COL5A1: variants seen among roughly 807,000 people sequenced by gnomAD.
COL5A1 encodes the protein collagen alpha-1(V) chain.
A neutral mutation model predicts 263.7 loss-of-function variants in COL5A1; 16 were observed. The observed-to-expected ratio is 0.06, with a 90% CI of 0.04 to 0.09. The LOEUF (loss-of-function observed/expected upper bound fraction) is 0.09, where lower values mean the gene tolerates loss of function less well. Ranked by LOEUF, COL5A1 falls within the 10% of genes least tolerant of loss-of-function variation. The probability of loss-of-function intolerance (pLI) is 1.00; values close to 1 mark genes in which losing one functional copy is unlikely to be tolerated. For missense variants in COL5A1, 2,036 were observed against 2,540.5 expected (o/e 0.80, Z 4.27); for synonymous variants, 1,012 against 1,004.5 (o/e 1.01, Z -0.14).
intron 63 of COL5A1, among the ~76,000 whole-genome samples, chr9:134,826,723 T>TATG (rs1839286621): frequency 2.3e-5 from 2 of 87,140 alleles, no homozygotes; most frequent in Non-Finnish European, 4.5e-5. Flanking sequence ...GTGTGGGTGG[T>TATG]GTGTGGGTGT....
chr9:134,762,033 T>C, intron 19 of COL5A1, 55 bp downstream of exon 19: 5 of 1,587,494 alleles, frequency 3.1e-6, no homozygotes, highest in Non-Finnish European at 4.3e-6. Context: ...CCTCAGTGAT[T>C]TGGGCAGGAA....
In COL5A1 at chr9:134,741,458, TGGTGGGCAA is replaced by T. The variant is rs1477711617; in HGVS notation, c.1494+2652_1494+2660del. ...GGTTTGGGCTTCGCGGGGTGACAGA[TGGTGGGCAA>T]GTGACTAGGAACTCCATGGAGGAAC... On this transcript the variant is annotated intron_variant, in intron 11 of 65. Coordinates refer to ENST00000371817, the MANE Select transcript of COL5A1 (RefSeq NM_000093.5). This position sits in a 1 kb window ranked among gnomAD's most constrained non-coding sequence, Gnocchi z 4.5. Among the ~76,000 whole-genome samples the T allele has an allele frequency of 1.3e-5, 2 of 152,004 alleles. No individual in the cohort carries two copies. Among genetic ancestry groups the T allele is most frequent in the Non-Finnish European group, 2.9e-5 (2 of 68,002 alleles).
intron 34 of COL5A1, 92 bp downstream of exon 34, chr9:134,795,407 TTTA>T: frequency 8.9e-7 from 1 of 1,119,082 alleles, no homozygotes; most frequent in Non-Finnish European, 1.3e-6. Flanking sequence ...TGTGACCTTT[TTTA>T]TTAAAAAAAA....
In COL5A1 at chr9:134,765,096, G is replaced by A. The variant is rs11103513; in HGVS notation, c.2035-585G>A. On this transcript the variant is annotated intron_variant, in intron 20 of 65. Coordinates refer to ENST00000371817, the MANE Select transcript of COL5A1 (RefSeq NM_000093.5). The surrounding 1 kb of genome is among the most constrained non-coding windows in gnomAD (Gnocchi z 5.1). ...AGGTTCTGCACGAGCCTCGCCGACC[G>A]GAGAGGGCGTGCCAGCTCTTGCCCA... is the stretch of plus-strand genomic sequence containing the variant. Among the ~76,000 whole-genome samples, 6,140 of 152,144 alleles carry A rather than the reference G, an allele frequency of 0.04. 157 individuals carry two copies. The highest frequency in any genetic ancestry group is 0.06 in the Non-Finnish European group (4,082 of 67,966).
rs780236310 is a variant in COL5A1 at position 134,796,409 on chromosome 9, T to A, written c.2835T>A (p.Pro945=). ...NSGGDGPAGP[P]GERGPNGPQG... is the part of the protein sequence containing the mutation. The stretch of plus-strand genomic sequence containing the variant: ...GAGGTGACGGCCCAGCTGGCCCTCC[T>A]GGTGAACGGGTAAGCAGCTGGAGCC... Residue 945 remains proline, a synonymous_variant, in exon 35 of 66, where the codon CCT becomes CCA. Transcript: ENST00000371817. 1 of 1,614,156 alleles carries A rather than the reference T, an allele frequency of 6.2e-7. No homozygotes were observed. The highest frequency in any genetic ancestry group is 8.5e-7 in the Non-Finnish European group (1 of 1,180,032).
intron 18 of COL5A1, among the ~76,000 whole-genome samples, chr9:134,759,308 C>G (rs561097692): frequency 6.9e-6 from 1 of 144,534 alleles, no homozygotes; most frequent in African/African-American, 2.6e-5. Context: ...ACCCACACAC[C>G]CCCACACTCA....
intron 1 of COL5A1, among the ~76,000 whole-genome samples, chr9:134,658,883 A>G (rs1053387913): frequency 5.9e-5 from 9 of 152,212 alleles, no homozygotes; most frequent in Non-Finnish European, 1.3e-4. Context: ...AGAAATTCAC[A>G]TGAGACATAC....
intron 22 of COL5A1, among the ~76,000 whole-genome samples, 161 bp downstream of exon 22, chr9:134,766,659 C>T (rs977365043): frequency 2.0e-5 from 3 of 152,188 alleles, no homozygotes; most frequent in Admixed American, 2.0e-4. Flanking sequence ...GTGAGTGGCA[C>T]CTGGAGACTT....
intron 1 of COL5A1, among the ~76,000 whole-genome samples, chr9:134,645,835 C>T (rs1416276707): frequency 6.6e-6 from 1 of 152,222 alleles, no homozygotes; most frequent in Non-Finnish European, 1.5e-5. Flanking sequence ...GGCCAGGGCC[C>T]TGAGCTATAG....
At position 134,755,689 on chromosome 9, in the gene COL5A1, A is replaced by G. The variant is rs893302455; in HGVS notation, c.1828-1076A>G. ...CCTTGGTTTCTAAAAGTGTTTGGAA[A>G]TCTAGAAGAGGCTCCCAATGGGCCC... On this transcript the variant is annotated intron_variant, in intron 16 of 65. Transcript: ENST00000371817. This position sits in a 1 kb window ranked among gnomAD's most constrained non-coding sequence, Gnocchi z 4.1. 6.6e-6 allele frequency among the ~76,000 whole-genome samples: 1 copy of G among 152,260 alleles called. No individual in the cohort carries two copies. The highest frequency in any genetic ancestry group is 2.4e-5 in the African/African-American group (1 of 41,472).
At chr9:134,753,749 C>T in intron 14 of COL5A1, 101 bp from the exon 15 acceptor site, 1 of 711,388 alleles carries the variant, frequency 1.4e-6, no homozygotes, top group South Asian at 1.4e-5. Flanking sequence ...GTGGCCGAAG[C>T]CCTGTCCCCT....
chr9:134,814,850 C>G lies in COL5A1; in HGVS notation c.3960C>G (p.Ala1320=). The part of the protein sequence containing the change: ...EKGESGPSGA[A]GPPGPKGPPG... ...GCGAGTCAGGCCCTTCAGGTGCTGC[C>G]GGACCCCCTGGACCCAAAGGCCCTC... The change falls in exon 50 of 66, where the codon GCC becomes GCG. Residue 1320 remains alanine (A), a synonymous_variant. Transcript: ENST00000371817. 1.3e-6 allele frequency: 2 copies of G among 1,551,680 alleles called. No individual in the cohort carries two copies. Among genetic ancestry groups the G allele is most frequent in the Admixed American group, 3.9e-5 (2 of 51,086 alleles).
chr9:134,799,030 C>A (rs1212837988), intron 37 of COL5A1, among the ~76,000 whole-genome samples: 1 of 152,164 alleles, frequency 6.6e-6, no homozygotes, highest in African/African-American at 2.4e-5. Context: ...TGCAATGTCC[C>A]TTTTTACACT....
Position 134,780,083 on chromosome 9 carries a change from T to A in COL5A1, c.2386-19T>A. 6.2e-7 allele frequency: 1 copy of A among 1,613,552 alleles called. No individual in the cohort carries two copies. Among genetic ancestry groups the A allele is most frequent in the Non-Finnish European group, 8.5e-7 (1 of 1,179,992 alleles). On this transcript the variant is annotated intron_variant, in intron 27 of 65. Coordinates refer to ENST00000371817, the MANE Select transcript of COL5A1 (RefSeq NM_000093.5). Reference sequence around the variant, plus strand: ...AGACTTGTAACCATTCACTCCTTTTTCTTTTCCCACCCGCACAGGGGGCCG... The same window carrying A: ...AGACTTGTAACCATTCACTCCTTTTACTTTTCCCACCCGCACAGGGGGCCG...
At chr9:134,744,962 G>A (rs1213607250) in intron 11 of COL5A1, among the ~76,000 whole-genome samples, 2 of 152,260 alleles carry the variant, frequency 1.3e-5, no homozygotes, top group Admixed American at 1.3e-4. Context: ...TGCGCTGTCT[G>A]GGTTCACCTC....
intron 29 of COL5A1, 39 bp from the exon 30 acceptor site, chr9:134,784,950 G>GTGTGT (rs779225921): frequency 9.0e-5 from 132 of 1,470,608 alleles, no homozygotes; most frequent in East Asian, 5.0e-4. Flanking sequence ...GTGTGTGTGC[G>GTGTGT]GGGGGTGGTC....
At chr9:134,654,568 T>G in intron 1 of COL5A1, among the ~76,000 whole-genome samples, 2 of 111,940 alleles carry the variant, frequency 1.8e-5, no homozygotes, top group Admixed American at 9.1e-5. Context: ...GCTGGGTGTG[T>G]GTAGGGCTGG....
Position 134,789,290 on chromosome 9 carries a change from GT to G in COL5A1, c.2700+85del. The G allele has an allele frequency of 1.7e-6, 2 of 1,161,592 alleles. No individual in the cohort carries two copies. The highest frequency in any genetic ancestry group is 1.3e-5 in the South Asian group (1 of 78,740). The allele number at this position is 1,161,592 out of a possible 1,614,324, so 72.0% of individuals were successfully genotyped here. On this transcript the variant is annotated intron_variant, in intron 32 of 65. Coordinates refer to ENST00000371817, the MANE Select transcript of COL5A1 (RefSeq NM_000093.5). The surrounding 1 kb of genome is among the most constrained non-coding windows in gnomAD (Gnocchi z 4.8). ...AAGTTGGTTCTCCAGCCGACGGCCTGTTTATTTCTCACTCTCTTGCTTCTGA... is the reference window on the plus strand; with the variant it reads ...AAGTTGGTTCTCCAGCCGACGGCCTGTTATTTCTCACTCTCTTGCTTCTGA...
chr9:134,833,311 C>A (rs73664158), intron 64 of COL5A1, among the ~76,000 whole-genome samples: 6,709 of 152,330 alleles, frequency 0.044, 244 homozygotes, highest in East Asian at 0.12. Context: ...ATGCCCTGCA[C>A]GGGCCTTGCA....
Sources: gnomAD v4.1 joint callset for allele counts (sites outside exome capture counted in the v4.1 genomes callset) on GRCh38, gnomAD v4.1.1 for gene constraint, Gnocchi (gnomAD v3.1) non-coding constraint, MANE v1.5 for transcripts, NCBI Gene and HGNC (gene_info 2026-07-23, HGNC 2026-07-21) for gene names.